Variants in RFX3 observed in about 807,000 individuals in gnomAD.
RFX3 encodes the protein transcription factor RFX3.
Under a neutral mutation model 98.6 loss-of-function variants are expected in RFX3, and 14 were observed. The observed-to-expected ratio is 0.14, with a 90% CI of 0.09 to 0.22. The LOEUF is 0.22. Ranked by LOEUF, RFX3 falls within the 10% of genes least tolerant of loss-of-function variation. The pLI is 1.00. For missense variants in RFX3, 639 were observed against 926.9 expected, an observed-to-expected ratio of 0.69 and a Z score of 4.03; for synonymous variants, 383 against 328.4, an observed-to-expected ratio of 1.17 and a Z score of -1.80.
At chr9:3,495,999 G>A (rs1275971118) in intron 1 of RFX3, among the ~76,000 whole-genome samples, 1 of 151,948 alleles carries the variant, frequency 6.6e-6, no homozygotes, top group Non-Finnish European at 1.5e-5. Context: ...GCCAAAAAGT[G>A]CCAAAGGTAA....
At chr9:3,524,612 A>G in intron 1 of RFX3, 5 of 984,384 alleles carry the variant, frequency 5.1e-6, no homozygotes, top group Non-Finnish European at 6.0e-6. Flanking sequence ...CTGTGAACTG[A>G]GTTCTCACAA....
intron 3 of RFX3, among the ~76,000 whole-genome samples, chr9:3,333,781 C>T (rs1191810103): frequency 6.6e-6 from 1 of 152,016 alleles, no homozygotes; most frequent in Non-Finnish European, 1.5e-5. Flanking sequence ...TTTTCATCAT[C>T]CAAGCAGGAT....
intron 4 of RFX3, among the ~76,000 whole-genome samples, chr9:3,317,577 C>G (rs1293203464): frequency 6.6e-6 from 1 of 152,200 alleles, no homozygotes; most frequent in Non-Finnish European, 1.5e-5. Flanking sequence ...TCAGAGTGAA[C>G]AGACAACCTA....
intron 1 of RFX3, among the ~76,000 whole-genome samples, chr9:3,474,265 A>G (rs1430961059): frequency 6.6e-6 from 1 of 152,216 alleles, no homozygotes; most frequent in Non-Finnish European, 1.5e-5. Flanking sequence ...AAAACAGTCT[A>G]TTTATACATT....
intron 15 of RFX3, among the ~76,000 whole-genome samples, chr9:3,233,035 T>G (rs781188104): frequency 6.6e-6 from 1 of 152,230 alleles, no homozygotes; most frequent in Non-Finnish European, 1.5e-5. Context: ...AGAGAAAGCA[T>G]GTCTATTGTT....
At chr9:3,239,256 G>A (rs1401461940) in intron 15 of RFX3, among the ~76,000 whole-genome samples, 2 of 152,188 alleles carry the variant, frequency 1.3e-5, no homozygotes, top group Non-Finnish European at 2.9e-5. Flanking sequence ...ATATTTGCAA[G>A]GATTAACAAC....
intron 1 of RFX3, among the ~76,000 whole-genome samples, chr9:3,459,734 G>A (rs75848206): frequency 0.027 from 4,061 of 151,620 alleles, 176 homozygotes; most frequent in African/African-American, 0.092. Context: ...CAATCTTCTC[G>A]TGAATTATCA....
At chr9:3,248,270 C>G in intron 14 of RFX3, 85 bp from the exon 15 acceptor site, 1 of 1,454,154 alleles carries the variant, frequency 6.9e-7, no homozygotes, top group Non-Finnish European at 9.0e-7. Context: ...AAAAAAAAGT[C>G]AAGCTGGGAG....
intron 14 of RFX3, among the ~76,000 whole-genome samples, chr9:3,249,021 C>G (rs959266667): frequency 6.6e-6 from 1 of 151,906 alleles, no homozygotes; most frequent in Non-Finnish European, 1.5e-5. Flanking sequence ...AATTTAGAAT[C>G]AGAGTGATGT....
At chr9:3,319,233 A>C (rs1830982913) in intron 4 of RFX3, among the ~76,000 whole-genome samples, 1 of 151,940 alleles carries the variant, frequency 6.6e-6, no homozygotes, top group Non-Finnish European at 1.5e-5. Context: ...TTGGAAATGC[A>C]AGGGGCCCTT....
intron 9 of RFX3, among the ~76,000 whole-genome samples, chr9:3,271,402 T>A (rs150758785): frequency 0.022 from 3,402 of 152,176 alleles, 56 homozygotes; most frequent in African/African-American, 0.042. Flanking sequence ...TTTTCTTCCA[T>A]TTTTCATTTT....
At chr9:3,441,211 G>A (rs969144202) in intron 1 of RFX3, among the ~76,000 whole-genome samples, 60 of 151,998 alleles carry the variant, frequency 3.9e-4, no homozygotes, top group African/African-American at 1.4e-3. Flanking sequence ...ATAATAAACC[G>A]CACTAAAATG....
At chr9:3,408,885 G>C (rs1305843129) in intron 1 of RFX3, among the ~76,000 whole-genome samples, 1 of 152,092 alleles carries the variant, frequency 6.6e-6, no homozygotes, top group Non-Finnish European at 1.5e-5. Context: ...ATAAAACTAG[G>C]TCTACTTTGC....
chr9:3,246,014 T>G (rs997668664), intron 15 of RFX3, among the ~76,000 whole-genome samples: 2 of 152,156 alleles, frequency 1.3e-5, no homozygotes, highest in Non-Finnish European at 2.9e-5. Context: ...TTAGATATGA[T>G]AGTATGACCA....
In RFX3 at chr9:3,370,949, T is replaced by C. The variant is rs77594261; in HGVS notation, c.118-24185A>G. ...AATGACAAAATATCTGTGGGAGTAA[T>C]GACCAAGAATGTAATTAAAAGCAAA... On this transcript the variant is annotated intron_variant, in intron 2 of 16. Coordinates refer to ENST00000617270, the MANE Select transcript of RFX3 (RefSeq NM_001282116.2). 6.0e-3 allele frequency among the ~76,000 whole-genome samples: 920 copies of C among 152,256 alleles called. 5 individuals carry two copies. Among genetic ancestry groups the C allele is most frequent in the African/African-American group, 0.021 (867 of 41,540 alleles).
intron 1 of RFX3, among the ~76,000 whole-genome samples, chr9:3,462,148 GC>G (rs1160259748): frequency 6.6e-6 from 1 of 151,912 alleles, no homozygotes; most frequent in Non-Finnish European, 1.5e-5. Flanking sequence ...TTAACTACAG[GC>G]CAATATCCCT....
chr9:3,504,010 T>C (rs1816341515), intron 1 of RFX3, among the ~76,000 whole-genome samples: 1 of 151,192 alleles, frequency 6.6e-6, no homozygotes, highest in African/African-American at 2.4e-5. Flanking sequence ...CCAAAGAGCC[T>C]CCAACTTGGA....
chr9:3,430,220 T>C (rs1423964193), intron 1 of RFX3, among the ~76,000 whole-genome samples: 2 of 152,212 alleles, frequency 1.3e-5, no homozygotes, highest in Admixed American at 6.5e-5. Context: ...GGATAATTAA[T>C]AGCAGAGTGT....
At chr9:3,237,024 G>T (rs533821488) in intron 15 of RFX3, among the ~76,000 whole-genome samples, 1 of 152,044 alleles carries the variant, frequency 6.6e-6, no homozygotes, top group African/African-American at 2.4e-5. Flanking sequence ...TATCTCTTTG[G>T]GAAGCAACCT....
Sources: gnomAD v4.1 joint callset for allele counts (sites outside exome capture counted in the v4.1 genomes callset) on GRCh38, gnomAD v4.1.1 for gene constraint, MANE v1.5 for transcripts, NCBI Gene and HGNC (gene_info 2026-07-23, HGNC 2026-07-21) for gene names.